CNTLN: variants seen among roughly 807,000 people sequenced by gnomAD.
CNTLN encodes the protein centlein.
In CNTLN, 212 loss-of-function variants were observed where a neutral mutation model predicts 180.0. That is an observed-to-expected ratio of 1.18 (90% CI 1.05 to 1.32). CNTLN has a LOEUF of 1.32. Ranked by LOEUF, CNTLN falls within the 40% of genes most tolerant of loss-of-function variation. The pLI is 0.00. For synonymous variants in CNTLN, 722 were observed against 563.1 expected, an observed-to-expected ratio of 1.28 and a Z score of -3.99; for missense variants, 2,095 against 1,610.9, an observed-to-expected ratio of 1.30 and a Z score of -5.14.
intron 2 of CNTLN, among the ~76,000 whole-genome samples, chr9:17,156,665 T>C (rs1177646132): frequency 6.6e-6 from 1 of 152,238 alleles, no homozygotes; most frequent in Non-Finnish European, 1.5e-5. Context: ...ATAATCTTTT[T>C]AGATGTTACT....
chr9:17,291,058 T>G (rs1227308085), intron 6 of CNTLN, among the ~76,000 whole-genome samples: 1 of 152,232 alleles, frequency 6.6e-6, no homozygotes, highest in African/African-American at 2.4e-5. Context: ...AATTTCATTA[T>G]ATACCCAGGA....
At chr9:17,436,537 A>C (rs1308943982) in intron 18 of CNTLN, among the ~76,000 whole-genome samples, 2 of 152,220 alleles carry the variant, frequency 1.3e-5, no homozygotes, top group Non-Finnish European at 2.9e-5. Context: ...TTAATCTAGC[A>C]TATAAACATT....
chr9:17,206,028 C>A (rs1563879471), intron 2 of CNTLN, among the ~76,000 whole-genome samples: 1 of 152,124 alleles, frequency 6.6e-6, no homozygotes, highest in Non-Finnish European at 1.5e-5. Flanking sequence ...ATGTCTGAGG[C>A]TGAGAATGAG....
rs867185052 is a variant in CNTLN at position 17,267,834 on chromosome 9, C to T, written c.850-5899C>T. Among the ~76,000 whole-genome samples, 6 of 152,182 alleles carry T rather than the reference C, an allele frequency of 3.9e-5. 1 individual carries two copies. The South Asian group carries it at 1.2e-3, about 32-fold the overall frequency. On this transcript the variant is annotated intron_variant, in intron 5 of 25. Coordinates refer to ENST00000380647, the MANE Select transcript of CNTLN (RefSeq NM_017738.4). Reference sequence around the variant, plus strand: ...CCTTTCTTCCAGTTGATCGCATCGGCTAATGAGGCTTCTGCAGTCCACGTA... The same window carrying T: ...CCTTTCTTCCAGTTGATCGCATCGGTTAATGAGGCTTCTGCAGTCCACGTA...
intron 25 of CNTLN, among the ~76,000 whole-genome samples, chr9:17,497,676 G>A (rs1048409753): frequency 1.3e-5 from 2 of 152,112 alleles, no homozygotes; most frequent in African/African-American, 4.8e-5. Flanking sequence ...ATTTTTAGCA[G>A]AACTCCAAGA....
chr9:17,510,131 G>C, the CNTLN span, among the ~76,000 whole-genome samples: 1 of 152,050 alleles, frequency 6.6e-6, no homozygotes, highest in Non-Finnish European at 1.5e-5. Context: ...ATTCATTCAG[G>C]ACTGCTAATG....
At chr9:17,288,353 T>G (rs541271852) in intron 6 of CNTLN, among the ~76,000 whole-genome samples, 1 of 119,298 alleles carries the variant, frequency 8.4e-6, no homozygotes, top group East Asian at 2.1e-4. Context: ...TCTAGTTTGA[T>G]TGCACTGCGG....
intron 2 of CNTLN, among the ~76,000 whole-genome samples, chr9:17,214,542 C>G (rs1370595038): frequency 1.3e-5 from 2 of 152,114 alleles, no homozygotes; most frequent in African/African-American, 4.8e-5. Flanking sequence ...CTTGGAGTTG[C>G]TCTTCTCGAG....
intron 6 of CNTLN, among the ~76,000 whole-genome samples, chr9:17,281,184 A>G (rs1199480187): frequency 6.6e-6 from 1 of 152,116 alleles, no homozygotes; most frequent in African/African-American, 2.4e-5. Context: ...ACTGAGAGGT[A>G]TACTCTTCCT....
intron 10 of CNTLN, among the ~76,000 whole-genome samples, chr9:17,335,515 C>G (rs962880323): frequency 1.3e-5 from 2 of 151,992 alleles, no homozygotes; most frequent in Admixed American, 6.6e-5. Context: ...GACTGTGTTT[C>G]AAAAATTATT....
intron 13 of CNTLN, among the ~76,000 whole-genome samples, chr9:17,387,193 A>AT (rs1428387234): frequency 6.6e-6 from 1 of 152,204 alleles, no homozygotes; most frequent in Non-Finnish European, 1.5e-5. Flanking sequence ...ACAGAGAATA[A>AT]TATTGTTTTC....
intron 2 of CNTLN, among the ~76,000 whole-genome samples, chr9:17,200,300 A>T (rs1283972843): frequency 6.6e-6 from 1 of 152,156 alleles, no homozygotes; most frequent in African/African-American, 2.4e-5. Context: ...CTTTTTGCTT[A>T]GGATTGTCTT....
intron 15 of CNTLN, among the ~76,000 whole-genome samples, chr9:17,406,247 G>A (rs1311999959): frequency 6.6e-6 from 1 of 151,744 alleles, no homozygotes; most frequent in Non-Finnish European, 1.5e-5. Flanking sequence ...ATATCCAGAA[G>A]TTGACCATTT....
chr9:17,234,062 TAC>T (rs1337955560), intron 3 of CNTLN, among the ~76,000 whole-genome samples: 3 of 152,194 alleles, frequency 2.0e-5, no homozygotes, highest in African/African-American at 7.2e-5. Flanking sequence ...AAAAATTATT[TAC>T]ACACTGATCA....
At chr9:17,165,130 G>A (rs1023048855) in intron 2 of CNTLN, among the ~76,000 whole-genome samples, 20 of 151,950 alleles carry the variant, frequency 1.3e-4, no homozygotes, top group Non-Finnish European at 2.4e-4. Flanking sequence ...GACCCATTGC[G>A]CCCGGCCTCT....
In CNTLN at chr9:17,394,854, G is replaced by A. The variant is rs61730197; in HGVS notation, c.2400G>A (p.Gln800=). ...ELINPMEKSH[Q]SADRAKSEMA... ...TCAACCCAATGGAGAAATCACACCAGTCAGCAGACAGAGCTAAATCCGAGA... is the reference window on the plus strand; with the variant it reads ...TCAACCCAATGGAGAAATCACACCAATCAGCAGACAGAGCTAAATCCGAGA... Residue 800 remains glutamine, a synonymous_variant, in exon 15 of 26, where the codon CAG becomes CAA. Coordinates refer to ENST00000380647, the MANE Select transcript of CNTLN (RefSeq NM_017738.4). The A allele has an allele frequency of 1.7e-3, 2,668 of 1,613,972 alleles. 27 individuals carry two copies. The African/African-American group carries it at 0.028, about 17-fold the overall frequency.
intron 2 of CNTLN, among the ~76,000 whole-genome samples, chr9:17,187,911 C>T (rs1332612613): frequency 1.3e-5 from 2 of 150,866 alleles, no homozygotes; most frequent in African/African-American, 4.9e-5. Context: ...TGAGTTTTAT[C>T]ATGAAATATT....
Position 17,135,212 on chromosome 9 carries a change from C to A in CNTLN, c.147C>A (p.Val49=), listed in dbSNP as rs1367790754. The change falls in exon 1 of 26, where the codon GTC becomes GTA. Residue 49 remains valine (V), a synonymous_variant. Transcript: ENST00000380647. Reference sequence around the variant, plus strand: ...TTGCCGGCGCAGCGCGGGAGGTGGTCGCGGACGAAAGTGATAAAATCTGGG... The same window carrying A: ...TTGCCGGCGCAGCGCGGGAGGTGGTAGCGGACGAAAGTGATAAAATCTGGG... The part of the protein sequence containing the change: ...SGFAGAAREV[V]ADESDKIWVG... 6.2e-7 allele frequency: 1 copy of A among 1,610,332 alleles called. No individual in the cohort carries two copies. Among genetic ancestry groups the A allele is most frequent in the Non-Finnish European group, 8.5e-7 (1 of 1,178,810 alleles).
chr9:17,245,624 T>A (rs1170892748), intron 5 of CNTLN, among the ~76,000 whole-genome samples: 1 of 152,110 alleles, frequency 6.6e-6, no homozygotes, highest in Non-Finnish European at 1.5e-5. Flanking sequence ...TCCCTTTGAA[T>A]ATATTTTCTA....
Sources: gnomAD v4.1 joint callset for allele counts (sites outside exome capture counted in the v4.1 genomes callset) on GRCh38, gnomAD v4.1.1 for gene constraint, MANE v1.5 for transcripts, NCBI Gene and HGNC (gene_info 2026-07-23, HGNC 2026-07-21) for gene names.